C12orf42: variants seen among roughly 807,000 people sequenced by gnomAD.
C12orf42 encodes the protein uncharacterized protein C12orf42.
A neutral mutation model predicts 21.6 loss-of-function variants in C12orf42; 25 were observed. That is an observed-to-expected ratio of 1.16 (90% CI 0.84 to 1.62). C12orf42 has a LOEUF of 1.62. C12orf42 is among the 40% of genes most tolerant of loss of function. C12orf42 has a pLI of 0.00. For missense variants in C12orf42, 483 were observed against 459.3 expected, an observed-to-expected ratio of 1.05 and a Z score of -0.47; for synonymous variants, 174 against 175.0, an observed-to-expected ratio of 0.99 and a Z score of 0.05.
rs760675283 is a variant in C12orf42 at position 103,478,408 on chromosome 12, T to C, written c.19A>G (p.Met7Val). ...AAGAATTCTTCTTCCCTTTGTTTCA[T>C]ACATATCACTGTAGACATTAATTTG... is the stretch of plus-strand genomic sequence containing the variant. MSTVIC[M>V]KQREEEFLLT... Residue 7 changes from methionine (M) to valine (V), a missense_variant, in exon 2 of 6, where the codon ATG becomes GTG. Physicochemically the swap from Met to Val is conservative, Grantham distance 21. Coordinates refer to ENST00000548883, the MANE Select transcript of C12orf42 (RefSeq NM_198521.5). The C allele has an allele frequency of 6.3e-7, 1 of 1,595,912 alleles. No individual in the cohort carries two copies. The highest frequency in any genetic ancestry group is 8.6e-7 in the Non-Finnish European group (1 of 1,168,256).
rs1372797722 is a variant in C12orf42, at chr12:103,457,028, C to T, written c.78+21321G>A. Among the ~76,000 whole-genome samples, 7 of 152,228 alleles carry T rather than the reference C, an allele frequency of 4.6e-5. No homozygotes were observed. In the East Asian group the frequency reaches 1.4e-3, roughly 29 times the overall value. Reference sequence around the variant, plus strand: ...TTCTAAGAAGCTTAAATAACCCATGCATAATAGAGAGAAAAAAACCACCCG... The same window carrying T: ...TTCTAAGAAGCTTAAATAACCCATGTATAATAGAGAGAAAAAAACCACCCG... On this transcript the variant is annotated intron_variant, in intron 2 of 5. Transcript: ENST00000548883.
the C12orf42 span, among the ~76,000 whole-genome samples, chr12:103,163,665 A>G: frequency 6.6e-6 from 1 of 152,176 alleles, no homozygotes; most frequent in Non-Finnish European, 1.5e-5. Context: ...TTACAAAATT[A>G]TTTTTAATAC....
At chr12:103,070,654 G>T in the C12orf42 span, among the ~76,000 whole-genome samples, 2 of 152,034 alleles carry the variant, frequency 1.3e-5, no homozygotes, top group Non-Finnish European at 2.9e-5. Flanking sequence ...TGTTCTATGT[G>T]CCAAGAGGAT....
At chr12:103,311,312 A>G (rs1426348885) in intron 4 of C12orf42, among the ~76,000 whole-genome samples, 2 of 151,754 alleles carry the variant, frequency 1.3e-5, no homozygotes, top group Non-Finnish European at 2.9e-5. Context: ...TTCAATCAAT[A>G]TTTATAGTTT....
At chr12:103,447,777 T>G (rs1951671525) in intron 2 of C12orf42, among the ~76,000 whole-genome samples, 1 of 151,824 alleles carries the variant, frequency 6.6e-6, no homozygotes, top group South Asian at 2.1e-4. Flanking sequence ...TACAAAACGC[T>G]GCTGAAAAAA....
chr12:103,276,307 G>A (rs1441007445), intron 5 of C12orf42, among the ~76,000 whole-genome samples: 3 of 152,098 alleles, frequency 2.0e-5, no homozygotes, highest in Non-Finnish European at 4.4e-5. Context: ...TTTCTTTAAG[G>A]ATGGAAACAA....
intron 2 of C12orf42, among the ~76,000 whole-genome samples, chr12:103,434,754 C>T (rs1276111484): frequency 6.6e-6 from 1 of 152,202 alleles, no homozygotes; most frequent in East Asian, 1.9e-4. Flanking sequence ...GGTCCTACGC[C>T]CACGGACTCT....
chr12:103,113,442 T>C, the C12orf42 span, among the ~76,000 whole-genome samples: 12 of 151,690 alleles, frequency 7.9e-5, no homozygotes, highest in African/African-American at 2.9e-4. Flanking sequence ...AACCCAAATA[T>C]CTTGCATGCA....
the C12orf42 span, among the ~76,000 whole-genome samples, chr12:103,224,850 G>A: frequency 6.6e-6 from 1 of 152,188 alleles, no homozygotes; most frequent in Non-Finnish European, 1.5e-5. Context: ...TGGCTCTTGT[G>A]TAAGAATTCT....
At chr12:103,449,755 G>T (rs952885577) in intron 2 of C12orf42, among the ~76,000 whole-genome samples, 1 of 149,114 alleles carries the variant, frequency 6.7e-6, no homozygotes, top group African/African-American at 2.5e-5. Context: ...GGTCATTCCT[G>T]ACTTTTTGTT....
Position 103,302,061 on chromosome 12 carries a change from T to C in C12orf42, c.*47A>G, listed in dbSNP as rs775064773. 2 of 1,563,228 alleles carry C rather than the reference T, an allele frequency of 1.3e-6. No homozygotes were observed. The highest frequency in any genetic ancestry group is 2.4e-5 in the South Asian group (2 of 83,060). Reference sequence around the variant, plus strand: ...CCCTTTCTGTTGTTCTGAGCAGGCATTGATTTGAAGATGGGCAGCACTCGC... The same window carrying C: ...CCCTTTCTGTTGTTCTGAGCAGGCACTGATTTGAAGATGGGCAGCACTCGC... On this transcript the variant is annotated 3_prime_UTR_variant, in exon 6 of 6. Coordinates refer to ENST00000548883, the MANE Select transcript of C12orf42 (RefSeq NM_198521.5).
intron 4 of C12orf42, among the ~76,000 whole-genome samples, chr12:103,321,291 A>C (rs1465979378): frequency 3.3e-5 from 5 of 151,498 alleles, no homozygotes; most frequent in Non-Finnish European, 7.4e-5. Flanking sequence ...CCATCAGAGA[A>C]ATGCAAATCA....
intron 4 of C12orf42, among the ~76,000 whole-genome samples, chr12:103,342,790 C>T (rs1252134263): frequency 1.3e-5 from 2 of 151,804 alleles, no homozygotes; most frequent in African/African-American, 4.8e-5. Context: ...TTCTGAAGGT[C>T]GACATTGATA....
At chr12:103,100,884 T>G in the C12orf42 span, among the ~76,000 whole-genome samples, 3,431 of 151,852 alleles carry the variant, frequency 0.023, 55 homozygotes, top group African/African-American at 0.044. Context: ...GGCAAAGAGG[T>G]TTTTGGATGA....
intron 3 of C12orf42, among the ~76,000 whole-genome samples, chr12:103,379,909 A>G (rs991910702): frequency 1.3e-5 from 2 of 152,258 alleles, no homozygotes; most frequent in Non-Finnish European, 2.9e-5. Flanking sequence ...CATGGATTTA[A>G]GCAAGAAAAT....
the C12orf42 span, among the ~76,000 whole-genome samples, chr12:103,097,814 T>C: frequency 1.3e-5 from 2 of 152,232 alleles, no homozygotes; most frequent in African/African-American, 2.4e-5. Flanking sequence ...AGAAATGCGC[T>C]GCAAAGCCCT....
At chr12:103,175,189 G>C in the C12orf42 span, among the ~76,000 whole-genome samples, 2 of 152,076 alleles carry the variant, frequency 1.3e-5, no homozygotes, top group African/African-American at 4.8e-5. Flanking sequence ...ATGTCCTATG[G>C]CATGAGAATC....
At chr12:103,474,371 G>A (rs1953869561) in intron 2 of C12orf42, among the ~76,000 whole-genome samples, 1 of 152,054 alleles carries the variant, frequency 6.6e-6, no homozygotes, top group African/African-American at 2.4e-5. Flanking sequence ...CAGAAAGAGA[G>A]TCTGGCTGAT....
the C12orf42 span, among the ~76,000 whole-genome samples, chr12:103,230,842 C>A: frequency 6.6e-6 from 1 of 151,882 alleles, no homozygotes; most frequent in Non-Finnish European, 1.5e-5. Context: ...TTAAAAATTT[C>A]TTTGGACTTA....
Sources: gnomAD v4.1 joint callset for allele counts (sites outside exome capture counted in the v4.1 genomes callset) on GRCh38, gnomAD v4.1.1 for gene constraint, MANE v1.5 for transcripts, NCBI Gene and HGNC (gene_info 2026-07-23, HGNC 2026-07-21) for gene names.